The following CELF4 variants were observed in gnomAD, a reference collection of about 807,000 sequenced individuals.
The protein encoded by CELF4 is CUG-BP- and ETR-3-like factor 4.
In CELF4, 18 loss-of-function variants were observed where a neutral mutation model predicts 59.9. The ratio of observed to expected loss-of-function variants is 0.30; its 90% CI spans 0.21 to 0.45. The LOEUF (loss-of-function observed/expected upper bound fraction) is 0.45, where lower values mean the gene tolerates loss of function less well. Ranked by LOEUF, CELF4 falls within the 20% of genes least tolerant of loss-of-function variation. The pLI is 1.00. For synonymous variants in CELF4, 261 were observed against 267.1 expected (o/e 0.98, Z 0.22); for missense variants, 456 against 689.0 (o/e 0.66, Z 3.79).
intron 3 of CELF4, among the ~76,000 whole-genome samples, chr18:37,301,567 C>T (rs936372906): frequency 1.3e-5 from 2 of 152,184 alleles, no homozygotes; most frequent in African/African-American, 2.4e-5. Context: ...CCATGTGTTT[C>T]CTCCCAGCTC....
chr18:37,462,773 CT>C (rs2154602215), intron 2 of CELF4, among the ~76,000 whole-genome samples: 1 of 151,332 alleles, frequency 6.6e-6, no homozygotes, highest in East Asian at 1.9e-4. Context: ...AATTTGCAAA[CT>C]TTCTTAAAAC....
intron 2 of CELF4, among the ~76,000 whole-genome samples, chr18:37,406,355 G>A (rs2099389158): frequency 6.6e-6 from 1 of 152,056 alleles, no homozygotes; most frequent in Non-Finnish European, 1.5e-5. Flanking sequence ...CCCAGCATAA[G>A]CCCACAGGAT....
rs1427375053 is a variant in CELF4, at chr18:37,254,026, G to A, written c.1334-88C>T. The stretch of plus-strand genomic sequence containing the variant: ...GGGAGGGGTCGGGGGACAGGGGGGC[G>A]GGGCGGGCCTGAGGCTCTCCCCCTC... On this transcript the variant is annotated intron_variant, in intron 11 of 12. Coordinates refer to ENST00000420428, the MANE Select transcript of CELF4 (RefSeq NM_020180.4). The surrounding 1 kb of genome is among the most constrained non-coding windows in gnomAD (Gnocchi z 5.1). 2 of 934,936 alleles carry A rather than the reference G, an allele frequency of 2.1e-6. No individual in the cohort carries two copies. Among genetic ancestry groups the A allele is most frequent in the African/African-American group, 1.8e-5 (1 of 56,278 alleles). 57.9% of individuals were successfully genotyped at this position (934,936 alleles called of 1,614,324 possible).
At chr18:37,387,037 G>A (rs533339563) in intron 2 of CELF4, among the ~76,000 whole-genome samples, 2 of 152,248 alleles carry the variant, frequency 1.3e-5, no homozygotes, top group Admixed American at 6.5e-5. Context: ...GGCTGAGCCT[G>A]CTGCGCTGTG....
chr18:37,515,548 C>T (rs568966419), intron 1 of CELF4, among the ~76,000 whole-genome samples: 2 of 152,170 alleles, frequency 1.3e-5, no homozygotes, highest in Non-Finnish European at 2.9e-5. Flanking sequence ...TCTTAACTAG[C>T]GGAGGTTGCA....
At chr18:37,548,920 C>T (rs2099982282) in intron 1 of CELF4, among the ~76,000 whole-genome samples, 1 of 152,240 alleles carries the variant, frequency 6.6e-6, no homozygotes, top group Non-Finnish European at 1.5e-5. Context: ...AGCCCTGCAA[C>T]ATCCAGGCCA....
intron 2 of CELF4, among the ~76,000 whole-genome samples, chr18:37,358,512 A>G (rs980064526): frequency 1.3e-5 from 2 of 152,230 alleles, no homozygotes; most frequent in Admixed American, 6.5e-5. Flanking sequence ...CATTGTGTGC[A>G]ATATGGCTAC....
At chr18:37,414,409 C>T (rs1329129249) in intron 2 of CELF4, among the ~76,000 whole-genome samples, 1 of 151,982 alleles carries the variant, frequency 6.6e-6, no homozygotes, top group Non-Finnish European at 1.5e-5. Flanking sequence ...CTCACACCCA[C>T]TTACCCATCC....
intron 3 of CELF4, among the ~76,000 whole-genome samples, chr18:37,318,394 C>T (rs927370762): frequency 2.0e-5 from 3 of 151,904 alleles, no homozygotes; most frequent in African/African-American, 7.3e-5. Flanking sequence ...TCTCCCATTC[C>T]TTCTCTCCAT....
chr18:37,344,021 C>T (rs2098156553), intron 2 of CELF4, among the ~76,000 whole-genome samples: 1 of 152,198 alleles, frequency 6.6e-6, no homozygotes, highest in South Asian at 2.1e-4. Flanking sequence ...CTCCAGGAAG[C>T]CCATTAGATC....
rs981392049 is a variant in CELF4, at chr18:37,437,448, C to T, written c.369+48077G>A. ...TGGGGATATAGATATCTTCACCAAA[C>T]GATCCAGAGAGCACTTTTGGTGGGG... On this transcript the variant is annotated intron_variant, in intron 2 of 12. Coordinates refer to ENST00000420428, the MANE Select transcript of CELF4 (RefSeq NM_020180.4). Among the ~76,000 whole-genome samples the T allele has an allele frequency of 3.4e-4, 52 of 152,260 alleles. 1 individual carries two copies. The highest frequency in any genetic ancestry group is 4.1e-4 in the South Asian group (2 of 4,824).
intron 2 of CELF4, among the ~76,000 whole-genome samples, chr18:37,335,393 T>G (rs1248837765): frequency 6.6e-6 from 1 of 151,822 alleles, no homozygotes; most frequent in Non-Finnish European, 1.5e-5. Context: ...GCCATGTAAA[T>G]GGGTGACTAG....
chr18:37,468,314 T>C (rs1444987358), intron 2 of CELF4, among the ~76,000 whole-genome samples: 1 of 152,178 alleles, frequency 6.6e-6, no homozygotes, highest in Non-Finnish European at 1.5e-5. Context: ...TCCACTCCCA[T>C]TGAACAGTGC....
At chr18:37,386,335 A>G (rs1267747645) in intron 2 of CELF4, among the ~76,000 whole-genome samples, 2 of 152,346 alleles carry the variant, frequency 1.3e-5, no homozygotes, top group East Asian at 3.9e-4. Context: ...GAATGAGGTA[A>G]GTAAGGAGGA....
chr18:37,502,570 A>G (rs1226796621), intron 1 of CELF4, among the ~76,000 whole-genome samples: 1 of 152,172 alleles, frequency 6.6e-6, no homozygotes, highest in South Asian at 2.1e-4. Context: ...CAAGGCTAGT[A>G]TCTGCTTTTG....
rs895092324 is a variant in CELF4 at position 37,246,421 on chromosome 18, G to C, written c.*45-1224C>G. 1.3e-5 allele frequency among the ~76,000 whole-genome samples: 2 copies of C among 151,476 alleles called. No individual in the cohort carries two copies. The highest frequency in any genetic ancestry group is 2.9e-5 in the Non-Finnish European group (2 of 67,898). ...CAAAAAAAACCCTCCCGAGCCCCCA[G>C]TCCCCAGCCTCCCCTCCCCACATTT... On this transcript the variant is annotated intron_variant, in intron 12 of 12. Transcript: ENST00000420428. This position sits in a 1 kb window ranked among gnomAD's most constrained non-coding sequence, Gnocchi z 5.3.
intron 2 of CELF4, among the ~76,000 whole-genome samples, chr18:37,367,941 A>G (rs572925796): frequency 2.4e-4 from 37 of 152,116 alleles, no homozygotes; most frequent in South Asian, 1.7e-3. Flanking sequence ...CACCCAGCCC[A>G]TCTTCCAGCA....
intron 2 of CELF4, among the ~76,000 whole-genome samples, chr18:37,357,931 G>A (rs759602204): frequency 2.0e-5 from 3 of 152,174 alleles, no homozygotes; most frequent in Admixed American, 6.6e-5. Flanking sequence ...CCCAGCGCCT[G>A]TACCCCCACT....
chr18:37,323,136 G>C (rs1040519890), intron 2 of CELF4, among the ~76,000 whole-genome samples: 1 of 152,108 alleles, frequency 6.6e-6, no homozygotes, highest in African/African-American at 2.4e-5. Flanking sequence ...GGGTGCCTGT[G>C]ACTCAGCAAG....
Sources: gnomAD v4.1 joint callset for allele counts (sites outside exome capture counted in the v4.1 genomes callset) on GRCh38, gnomAD v4.1.1 for gene constraint, Gnocchi (gnomAD v3.1) non-coding constraint, MANE v1.5 for transcripts, NCBI Gene and HGNC (gene_info 2026-07-23, HGNC 2026-07-21) for gene names.